HERC2: variants seen among roughly 807,000 people sequenced by gnomAD.
HERC2 encodes E3 ubiquitin-protein ligase HERC2.
Under a neutral mutation model 537.7 loss-of-function variants are expected in HERC2, and 102 were observed. The observed-to-expected ratio is 0.19, with a 90% confidence interval of 0.16 to 0.22. The LOEUF (loss-of-function observed/expected upper bound fraction) is 0.22, where lower values mean the gene tolerates loss of function less well. Ranked by LOEUF, HERC2 falls within the 10% of genes least tolerant of loss-of-function variation. The pLI, the probability that HERC2 is intolerant of heterozygous loss-of-function variation, is 1.00. For missense variants in HERC2, 4,236 were observed against 6,198.2 expected, an observed-to-expected ratio of 0.68 and a Z score of 10.63; for synonymous variants, 2,224 against 2,466.2, an observed-to-expected ratio of 0.90 and a Z score of 2.91.
intron 47 of HERC2, 26 bp from the exon 48 acceptor site, chr15:28,201,580 A>G (rs915360470): frequency 1.4e-6 from 2 of 1,415,316 alleles, no homozygotes; most frequent in African/African-American, 2.8e-5. Flanking sequence ...ACATTCAAAC[A>G]AAAAAACAGG....
At chr15:28,190,657 G>A (rs1484928782) in intron 55 of HERC2, 8 of 360,146 alleles carry the variant, frequency 2.2e-5, no homozygotes, top group East Asian at 5.0e-5. Context: ...AATGAAAACC[G>A]AAGTGTTCAG....
At chr15:28,200,207 A>T (rs1897765640) in intron 48 of HERC2, among the ~76,000 whole-genome samples, 1 of 152,132 alleles carries the variant, frequency 6.6e-6, no homozygotes, top group Admixed American at 6.5e-5. Flanking sequence ...GACCAGCCTG[A>T]CAAAAATGAA....
intron 2 of HERC2, among the ~76,000 whole-genome samples, chr15:28,306,635 C>G (rs1185081973): frequency 1.3e-5 from 2 of 152,204 alleles, no homozygotes; most frequent in African/African-American, 4.8e-5. Context: ...AATAGTTTCA[C>G]TAGGATTGGT....
intron 43 of HERC2, 108 bp downstream of exon 43, chr15:28,212,337 G>A (rs866953180): frequency 1.4e-6 from 1 of 725,748 alleles, no homozygotes; most frequent in Non-Finnish European, 2.4e-6. Context: ...GAGCCCACGT[G>A]AACCCCAGGA....
intron 83 of HERC2, among the ~76,000 whole-genome samples, chr15:28,127,454 A>C (rs1176447818): frequency 6.6e-6 from 1 of 152,216 alleles, no homozygotes; most frequent in African/African-American, 2.4e-5. Flanking sequence ...TGTGGATCCA[A>C]ACTGGACCTG....
chr15:28,259,363 G>C lies in HERC2; in HGVS notation c.2316+1414C>G, dbSNP rs187921635. On this transcript the variant is annotated intron_variant, in intron 16 of 92. Transcript: ENST00000261609. ...ACCCATCTCGGCCTCCCAACGTGCT[G>C]GGATTACAGGCGTGAGCCACTGTGT... is the stretch of plus-strand genomic sequence containing the variant. Among the ~76,000 whole-genome samples, 377 of 152,218 alleles carry C rather than the reference G, an allele frequency of 2.5e-3. 1 individual carries two copies. Among genetic ancestry groups the C allele is most frequent in the African/African-American group, 8.6e-3 (356 of 41,552 alleles).
chr15:28,235,069 CA>C (rs1259160085), intron 26 of HERC2, among the ~76,000 whole-genome samples: 18 of 152,030 alleles, frequency 1.2e-4, no homozygotes, highest in African/African-American at 3.6e-4. Flanking sequence ...TGCACCACTA[CA>C]GATCTCTATT....
chr15:28,300,939 G>T (rs1206259646), intron 2 of HERC2, among the ~76,000 whole-genome samples: 2 of 146,616 alleles, frequency 1.4e-5, no homozygotes, highest in African/African-American at 5.0e-5. Context: ...CTTTATTTTT[G>T]AATATATTTG....
intron 16 of HERC2, among the ~76,000 whole-genome samples, chr15:28,257,611 C>T (rs1325076067): frequency 6.6e-6 from 1 of 152,182 alleles, no homozygotes; most frequent in Non-Finnish European, 1.5e-5. Context: ...TTGTTAGATG[C>T]ATATGACACA....
Position 28,254,529 on chromosome 15 carries a change from TA to T in HERC2, c.2872-12del, listed in dbSNP as rs1453795557. ...TTTGGCTTCAATATCCTGTAATTCA[TA>T]AAAAGAAATTGTTTACAAGTGATCT... On this transcript the variant is annotated splice_polypyrimidine_tract_variant and intron_variant, in intron 19 of 92. Coordinates refer to ENST00000261609, the MANE Select transcript of HERC2 (RefSeq NM_004667.6). 3 of 1,566,236 alleles carry T rather than the reference TA, an allele frequency of 1.9e-6. No homozygotes were observed. Among genetic ancestry groups the T allele is most frequent in the Non-Finnish European group, 2.6e-6 (3 of 1,155,726 alleles).
intron 69 of HERC2, among the ~76,000 whole-genome samples, chr15:28,160,770 G>C (rs1487397657): frequency 3.9e-5 from 6 of 152,236 alleles, no homozygotes; most frequent in Non-Finnish European, 8.8e-5. Context: ...GCCCCAGTGA[G>C]ATGAACCTGG....
In HERC2 at chr15:28,210,745, T is replaced by A. The variant is rs574161253; in HGVS notation, c.7069+257A>T. Among the ~76,000 whole-genome samples the A allele has an allele frequency of 4.3e-3, 656 of 152,188 alleles. 5 individuals carry two copies. The highest frequency in any genetic ancestry group is 0.015 in the African/African-American group (615 of 41,504). On this transcript the variant is annotated intron_variant, in intron 44 of 92. Coordinates refer to ENST00000261609, the MANE Select transcript of HERC2 (RefSeq NM_004667.6). ...CATACCTGCGTGCCACCAATCTTGCTGACCCATGCAGCACACTTTAAATGG... is the reference window on the plus strand; with the variant it reads ...CATACCTGCGTGCCACCAATCTTGCAGACCCATGCAGCACACTTTAAATGG...
intron 19 of HERC2, among the ~76,000 whole-genome samples, chr15:28,255,458 C>T (rs1596331811): frequency 6.6e-6 from 1 of 152,206 alleles, no homozygotes; most frequent in Non-Finnish European, 1.5e-5. Context: ...ATACACACAA[C>T]AGTGAGTGAA....
chr15:28,219,374 G>A (rs1900273857), intron 37 of HERC2, among the ~76,000 whole-genome samples: 1 of 152,244 alleles, frequency 6.6e-6, no homozygotes, highest in Admixed American at 6.5e-5. Flanking sequence ...CCCAGGCAGG[G>A]AGCCAGGCCT....
At chr15:28,273,247 C>G in intron 7 of HERC2, 1 of 563,656 alleles carries the variant, frequency 1.8e-6, no homozygotes, top group Non-Finnish European at 3.1e-6. Flanking sequence ...AGATGACATA[C>G]TCCATGTATA....
chr15:28,129,447 C>T (rs866618888), intron 83 of HERC2, among the ~76,000 whole-genome samples: 3 of 152,206 alleles, frequency 2.0e-5, no homozygotes, highest in Non-Finnish European at 2.9e-5. Flanking sequence ...CCCTGCCTGG[C>T]GCGTACCAAG....
In HERC2 at chr15:28,147,575, T is replaced by TGTA. The variant is rs543111974; in HGVS notation, c.10901-1234_10901-1232dup. 1.7e-4 allele frequency among the ~76,000 whole-genome samples: 26 copies of TGTA among 152,174 alleles called. No homozygotes were observed. In the South Asian group the frequency reaches 5.2e-3, roughly 30 times the overall value. ...ATCGCTTGAGCCCAGAGTTTGGGGC[T>TGTA]GTAGTGAGCCACGATCGTGCTACCA... On this transcript the variant is annotated intron_variant, in intron 70 of 92. Transcript: ENST00000261609.
At chr15:28,123,925 T>C in intron 85 of HERC2, 112 bp downstream of exon 85, 1 of 843,524 alleles carries the variant, frequency 1.2e-6, no homozygotes. Flanking sequence ...TCCGTGAACA[T>C]TTGCTGAATG....
At chr15:28,301,733 GTGTATATATATA>G (rs1220831285) in intron 2 of HERC2, among the ~76,000 whole-genome samples, 601 of 30,870 alleles carry the variant, frequency 0.019, 21 homozygotes, top group African/African-American at 0.054. Context: ...TTGTATGTAT[GTGTATATATATA>G]TATATATATA....
Sources: allele counts gnomAD v4.1 joint callset (sites outside exome capture counted in the v4.1 genomes callset), GRCh38; gene constraint gnomAD v4.1.1; transcripts MANE v1.5; gene names NCBI Gene and HGNC (gene_info 2026-07-23, HGNC 2026-07-21).